The following ZFHX3 variants were observed in gnomAD, a reference collection of about 807,000 sequenced individuals.
ZFHX3 encodes the protein zinc finger homeobox protein 3.
In ZFHX3, 42 loss-of-function variants were observed where a neutral mutation model predicts 279.1. The ratio of observed to expected loss-of-function variants is 0.15; its 90% CI spans 0.12 to 0.19. ZFHX3 has a LOEUF of 0.19. ZFHX3 is among the 10% of genes least tolerant of loss of function. ZFHX3 has a pLI of 1.00. For synonymous variants in ZFHX3, 2,293 were observed against 1,957.8 expected (o/e 1.17, Z -4.52); for missense variants, 4,981 against 4,754.0 (o/e 1.05, Z -1.40).
At chr16:73,341,260 G>A (rs979345210) in intron 3 of ZFHX3, among the ~76,000 whole-genome samples, 6 of 152,146 alleles carry the variant, frequency 3.9e-5, no homozygotes, top group Non-Finnish European at 8.8e-5. Flanking sequence ...AGAATTGTTT[G>A]AGCCTGGGAG....
At chr16:73,711,472 A>G (rs902172527) in intron 1 of ZFHX3, among the ~76,000 whole-genome samples, 1 of 152,210 alleles carries the variant, frequency 6.6e-6, no homozygotes, top group African/African-American at 2.4e-5. Context: ...CAAATCTCTG[A>G]ATCTGGCAAA....
chr16:73,472,305 C>T (rs1349573505), intron 2 of ZFHX3, among the ~76,000 whole-genome samples: 1 of 151,496 alleles, frequency 6.6e-6, no homozygotes, highest in African/African-American at 2.4e-5. Context: ...TCTAAAGTCC[C>T]AAAGACATAG....
chr16:73,666,429 T>A (rs1446567567), intron 2 of ZFHX3, among the ~76,000 whole-genome samples: 1 of 151,888 alleles, frequency 6.6e-6, no homozygotes, highest in East Asian at 1.9e-4. Context: ...TTTGGCCATC[T>A]CCACAAAAAT....
intron 3 of ZFHX3, among the ~76,000 whole-genome samples, chr16:72,897,855 A>G (rs1475919755): frequency 6.7e-6 from 1 of 148,260 alleles, no homozygotes. Flanking sequence ...AAGGTCACAC[A>G]GAGCATGGAG....
intron 1 of ZFHX3, among the ~76,000 whole-genome samples, chr16:73,749,478 C>G (rs755043013): frequency 6.6e-6 from 1 of 152,150 alleles, no homozygotes; most frequent in East Asian, 1.9e-4. Context: ...CTATGCAAGT[C>G]TTCCCTGATA....
At chr16:73,052,297 T>G (rs183892440), upstream of ZFHX3, among the ~76,000 whole-genome samples, 3 of 151,824 alleles carry the variant, frequency 2.0e-5, no homozygotes, top group East Asian at 1.9e-4. Flanking sequence ...AACGATCCAT[T>G]AAATGCTATA....
chr16:73,847,262 T>C (rs773692411), intron 1 of ZFHX3, among the ~76,000 whole-genome samples: 24 of 152,082 alleles, frequency 1.6e-4, no homozygotes, highest in Admixed American at 3.9e-4. Flanking sequence ...GACTGCCCCA[T>C]TGCACTCCAG....
At chr16:73,688,540 G>T (rs989734713) in intron 1 of ZFHX3, among the ~76,000 whole-genome samples, 1 of 152,034 alleles carries the variant, frequency 6.6e-6, no homozygotes, top group African/African-American at 2.4e-5. Context: ...GTGCAAAGGC[G>T]CCCTGTATGA....
At chr16:73,270,204 A>G (rs914979431) in intron 4 of ZFHX3, among the ~76,000 whole-genome samples, 2 of 152,152 alleles carry the variant, frequency 1.3e-5, no homozygotes, top group African/African-American at 4.8e-5. Flanking sequence ...GCATTTTCCT[A>G]AGGACTAATG....
chr16:73,352,447 G>A (rs971586052), intron 3 of ZFHX3, among the ~76,000 whole-genome samples: 1 of 141,390 alleles, frequency 7.1e-6, no homozygotes, highest in Admixed American at 7.0e-5. Context: ...TATTTGTCAA[G>A]CCTTTGGTTT....
intron 4 of ZFHX3, among the ~76,000 whole-genome samples, chr16:72,866,165 C>T (rs2038017590): frequency 6.6e-6 from 1 of 152,180 alleles, no homozygotes; most frequent in African/African-American, 2.4e-5. Flanking sequence ...AATGAAATAA[C>T]ACTAACTTTT....
intron 2 of ZFHX3, among the ~76,000 whole-genome samples, chr16:73,581,816 T>A (rs2051864890): frequency 1.3e-5 from 2 of 151,478 alleles, no homozygotes; most frequent in South Asian, 4.2e-4. Context: ...ACTATAGGCA[T>A]GTGCCACCAC....
intron 4 of ZFHX3, among the ~76,000 whole-genome samples, chr16:72,840,344 C>T (rs2143781942): frequency 6.6e-6 from 1 of 152,208 alleles, no homozygotes; most frequent in African/African-American, 2.4e-5. Flanking sequence ...GCTCTCGTAA[C>T]AGGAGCGTCA....
chr16:73,058,275 G>GGAA (rs563780064), intron 1 of ZFHX3, among the ~76,000 whole-genome samples: 5 of 143,910 alleles, frequency 3.5e-5, no homozygotes, highest in Non-Finnish European at 3.1e-5. Context: ...GGGAGGAGGA[G>GGAA]GAAGAAGAAG....
chr16:73,724,695 A>G (rs548195984), intron 1 of ZFHX3, among the ~76,000 whole-genome samples: 1 of 152,336 alleles, frequency 6.6e-6, no homozygotes, highest in African/African-American at 2.4e-5. Context: ...CTGCCTAGCA[A>G]CTTCCTCGGT....
At chr16:72,882,231 A>G (rs1171317454) in intron 4 of ZFHX3, among the ~76,000 whole-genome samples, 1 of 145,880 alleles carries the variant, frequency 6.9e-6, no homozygotes, top group African/African-American at 2.6e-5. Context: ...GAGTGGCCAC[A>G]GTATCAATGC....
intron 1 of ZFHX3, among the ~76,000 whole-genome samples, chr16:72,975,414 C>T (rs116364334): frequency 6.6e-6 from 1 of 152,158 alleles, no homozygotes; most frequent in African/African-American, 2.4e-5. Flanking sequence ...GCACTCCAGT[C>T]TGGAAGACAG....
intron 2 of ZFHX3, among the ~76,000 whole-genome samples, chr16:73,675,968 A>T (rs926974668): frequency 3.9e-5 from 6 of 152,128 alleles, no homozygotes; most frequent in Admixed American, 6.6e-5. Flanking sequence ...CAAAGAATTT[A>T]AAAAATCCAC....
intron 1 of ZFHX3, among the ~76,000 whole-genome samples, chr16:73,711,975 A>G (rs1264892319): frequency 6.6e-6 from 1 of 152,228 alleles, no homozygotes; most frequent in African/African-American, 2.4e-5. Context: ...CCCAGGCAGG[A>G]AAGAAGGGGA....
Sources: allele counts gnomAD v4.1 joint callset (sites outside exome capture counted in the v4.1 genomes callset), GRCh38; gene constraint gnomAD v4.1.1; transcripts MANE v1.5; gene names NCBI Gene and HGNC (gene_info 2026-07-23, HGNC 2026-07-21).